CLDN14: variants seen among roughly 807,000 people sequenced by gnomAD.
CLDN14 encodes claudin 14, also known as claudin-14.
In CLDN14, 2 loss-of-function variants were observed where a neutral mutation model predicts 2.1. The ratio of observed to expected loss-of-function variants is 0.96; its 90% CI spans 0.39 to 3.01. The LOEUF (loss-of-function observed/expected upper bound fraction) is 3.01, where lower values mean the gene tolerates loss of function less well. Ranked by LOEUF, CLDN14 falls within the 30% of genes most tolerant of loss-of-function variation. The pLI, the probability that CLDN14 is intolerant of heterozygous loss-of-function variation, is 0.09. For missense variants in CLDN14, 298 were observed against 328.0 expected (o/e 0.91, Z 0.71); for synonymous variants, 136 against 154.4 (o/e 0.88, Z 0.88).
chr21:36,547,069 G>A (rs1409131892), intron 1 of CLDN14, among the ~76,000 whole-genome samples: 2 of 152,346 alleles, frequency 1.3e-5, no homozygotes, highest in East Asian at 1.9e-4. Flanking sequence ...TGGTGCTGAG[G>A]TTGTGCACTA....
chr21:36,551,314 T>A lies in CLDN14; in HGVS notation c.-220+25097A>T, dbSNP rs923125828. Among the ~76,000 whole-genome samples the A allele has an allele frequency of 6.6e-6, 1 of 152,184 alleles. No homozygotes were observed. Among genetic ancestry groups the A allele is most frequent in the African/African-American group, 2.4e-5 (1 of 41,442 alleles). On this transcript the variant is annotated intron_variant, in intron 1 of 2. Coordinates refer to the CLDN14 transcript ENST00000342108. This position sits in a 1 kb window ranked among gnomAD's most constrained non-coding sequence, Gnocchi z 4.8. ...GACCCCAGTGAGATCTCCGAGCAGA[T>A]GCACTGTTCCCTGCGGACAGGATTT...
intron 1 of CLDN14, among the ~76,000 whole-genome samples, chr21:36,473,035 C>T (rs558984592): frequency 1.3e-5 from 2 of 152,194 alleles, no homozygotes; most frequent in African/African-American, 4.8e-5. Context: ...AACATCAGCC[C>T]TTCTCAGCTC....
chr21:36,535,810 AT>A (rs2087420212), intron 1 of CLDN14, among the ~76,000 whole-genome samples: 3 of 152,328 alleles, frequency 2.0e-5, no homozygotes, highest in Admixed American at 1.3e-4. Context: ...AAGCACATGA[AT>A]TTTGTATGTT....
Position 36,461,593 on chromosome 21 carries a change from G to T in CLDN14, c.103C>A (p.His35Asn). 6.2e-7 allele frequency: 1 copy of T among 1,610,578 alleles called. No individual in the cohort carries two copies. The highest frequency in any genetic ancestry group is 1.7e-5 in the Admixed American group (1 of 59,664). The change falls in exon 2 of 2, where the codon CAC becomes AAC. Residue 35 changes from histidine (H) to asparagine (N), a missense_variant. His to Asn is a moderately conservative substitution (Grantham distance 68). Transcript: ENST00000399135. ...GCCGTGAGGATGTTGGTGCCCACGT[G>T]CGCTGTCCTCCGCCAGTGCGGCAGG... is the stretch of plus-strand genomic sequence containing the variant. ...TILPHWRRTA[H>N]VGTNILTAVS...
chr21:36,471,026 C>G (rs1467860186), intron 1 of CLDN14, among the ~76,000 whole-genome samples: 1 of 152,142 alleles, frequency 6.6e-6, no homozygotes, highest in Non-Finnish European at 1.5e-5. Flanking sequence ...GAACTGCGTC[C>G]CCTTCCAGGA....
At position 36,566,616 on chromosome 21, in the gene CLDN14, C is replaced by T. The variant is rs540868920; in HGVS notation, c.-220+9795G>A. Among the ~76,000 whole-genome samples the T allele has an allele frequency of 2.1e-4, 32 of 152,342 alleles. No individual in the cohort carries two copies. In the South Asian group the frequency reaches 5.4e-3, roughly 26 times the overall value. On this transcript the variant is annotated intron_variant, in intron 1 of 2. Coordinates refer to the CLDN14 transcript ENST00000342108. Reference sequence around the variant, plus strand: ...CTTACAATTTATGAGATGCTTCTTGCAGCTGCTCCCTCGGAATGATTTAGA... The same window carrying T: ...CTTACAATTTATGAGATGCTTCTTGTAGCTGCTCCCTCGGAATGATTTAGA...
Position 36,548,973 on chromosome 21 carries a change from A to G in CLDN14, c.-220+27438T>C, listed in dbSNP as rs529478699. Among the ~76,000 whole-genome samples, 4 of 152,190 alleles carry G rather than the reference A, an allele frequency of 2.6e-5. No homozygotes were observed. In the South Asian group the frequency reaches 8.3e-4, roughly 32 times the overall value. ...CATAGTTCACGATGATGCTCTTTCT[A>G]GATGTTTGGTGGCCAGCTAGGCTGT... On this transcript the variant is annotated intron_variant, in intron 1 of 2. Transcript: ENST00000342108.
intron 1 of CLDN14, among the ~76,000 whole-genome samples, chr21:36,559,394 G>T (rs1048929519): frequency 6.6e-6 from 1 of 151,948 alleles, no homozygotes. Context: ...ACGGGGTTTC[G>T]CCATGTTGGC....
At chr21:36,535,158 A>AG (rs777008927) in intron 1 of CLDN14, among the ~76,000 whole-genome samples, 9 of 152,180 alleles carry the variant, frequency 5.9e-5, no homozygotes, top group Non-Finnish European at 1.2e-4. Flanking sequence ...TGGGAGGCTG[A>AG]GGGGGCGGAT....
At chr21:36,494,538 C>T (rs1366956663) in intron 2 of CLDN14, among the ~76,000 whole-genome samples, 1 of 152,128 alleles carries the variant, frequency 6.6e-6, no homozygotes, top group African/African-American at 2.4e-5. Flanking sequence ...AAGTCCTGGC[C>T]CCCAGTGCCT....
chr21:36,494,497 G>A (rs1333819556), intron 2 of CLDN14, among the ~76,000 whole-genome samples: 1 of 152,194 alleles, frequency 6.6e-6, no homozygotes, highest in Non-Finnish European at 1.5e-5. Flanking sequence ...GTTAGGGGCT[G>A]AACTGTGTCC....
At chr21:36,575,838 C>T (rs1471115550) in intron 1 of CLDN14, among the ~76,000 whole-genome samples, 1 of 152,178 alleles carries the variant, frequency 6.6e-6, no homozygotes, top group Non-Finnish European at 1.5e-5. Flanking sequence ...GAGCATCACC[C>T]GCCTTCCAGG....
In CLDN14 at chr21:36,499,997, G is replaced by A. The variant is rs2146475708; in HGVS notation, c.-82+10366C>T. Among the ~76,000 whole-genome samples the A allele has an allele frequency of 6.8e-6, 1 of 146,856 alleles. No individual in the cohort carries two copies. The highest frequency in any genetic ancestry group is 2.0e-4 in the East Asian group (1 of 5,020). On this transcript the variant is annotated intron_variant, in intron 2 of 2. Coordinates refer to the CLDN14 transcript ENST00000342108. The surrounding 1 kb of genome is among the most constrained non-coding windows in gnomAD (Gnocchi z 4.7). ...TCTTCCAATGCGAGTCCCGCGAGGTGAAGAATTAGAGCATGTTGTTCATTT... is the reference window on the plus strand; with the variant it reads ...TCTTCCAATGCGAGTCCCGCGAGGTAAAGAATTAGAGCATGTTGTTCATTT...
At chr21:36,475,169 CG>C (rs1374937824) in intron 1 of CLDN14, among the ~76,000 whole-genome samples, 1 of 152,122 alleles carries the variant, frequency 6.6e-6, no homozygotes, top group Non-Finnish European at 1.5e-5. Context: ...AACTGCACTG[CG>C]AGGGTCCCAA....
intron 1 of CLDN14, among the ~76,000 whole-genome samples, chr21:36,527,115 G>T (rs944974708): frequency 6.6e-6 from 1 of 152,182 alleles, no homozygotes; most frequent in African/African-American, 2.4e-5. Flanking sequence ...ACACGTGAGG[G>T]GTCCAACACT....
chr21:36,538,605 A>T (rs1256069713), intron 1 of CLDN14, among the ~76,000 whole-genome samples: 1 of 148,636 alleles, frequency 6.7e-6, no homozygotes, highest in East Asian at 2.0e-4. Flanking sequence ...AGAGCGAGAC[A>T]TCGTCTCAAA....
rs924127990 is a variant in CLDN14 at position 36,544,745 on chromosome 21, C to T, written c.-220+31666G>A. Among the ~76,000 whole-genome samples, 3 of 152,180 alleles carry T rather than the reference C, an allele frequency of 2.0e-5. No homozygotes were observed. The highest frequency in any genetic ancestry group is 3.8e-4 in the East Asian group (2 of 5,198). On this transcript the variant is annotated intron_variant, in intron 1 of 2. Transcript: ENST00000342108. This position sits in a 1 kb window ranked among gnomAD's most constrained non-coding sequence, Gnocchi z 4.1. ...TTGGACAGCTTGGAGAGATGGGCAG[C>T]GATCACGCTGAAATATGATGACAGG... is the stretch of plus-strand genomic sequence containing the variant.
Position 36,461,546 on chromosome 21 carries a change from G to T in CLDN14, c.150C>A (p.Leu50=). The T allele has an allele frequency of 6.2e-7, 1 of 1,613,396 alleles. No homozygotes were observed. Among genetic ancestry groups the T allele is most frequent in the Non-Finnish European group, 8.5e-7 (1 of 1,179,980 alleles). ...ILTAVSYLKG[L]WMECVWHSTG... is the part of the protein sequence containing the mutation. ...TGCTGTGCCACACACACTCCATCCAGAGCCCTTTCAGGTAGGACACGGCCG... is the reference window on the plus strand; with the variant it reads ...TGCTGTGCCACACACACTCCATCCATAGCCCTTTCAGGTAGGACACGGCCG... The change falls in exon 2 of 2, where the codon CTC becomes CTA. Residue 50 remains leucine, a synonymous_variant. Transcript: ENST00000399135.
chr21:36,474,871 C>T (rs896288616), intron 1 of CLDN14, among the ~76,000 whole-genome samples: 5 of 152,076 alleles, frequency 3.3e-5, no homozygotes, highest in South Asian at 2.1e-4. Flanking sequence ...GGAGGGGAGG[C>T]GGGAGCAGGA....
Sources: gnomAD v4.1 joint callset for allele counts (sites outside exome capture counted in the v4.1 genomes callset) on GRCh38, gnomAD v4.1.1 for gene constraint, Gnocchi (gnomAD v3.1) non-coding constraint, MANE v1.5 for transcripts, NCBI Gene and HGNC (gene_info 2026-07-23, HGNC 2026-07-21) for gene names.